CEP162: variants seen among roughly 807,000 people sequenced by gnomAD.
The protein encoded by CEP162 is centrosomal protein of 162 kDa.
CEP162 carries 141 observed loss-of-function variants against 169.2 expected under a neutral mutation model. The ratio of observed to expected loss-of-function variants is 0.83; its 90% CI spans 0.73 to 0.96. The LOEUF is 0.96. CEP162 is among the 40% of genes least tolerant of loss of function. The pLI, the probability that CEP162 is intolerant of heterozygous loss-of-function variation, is 0.00. For missense variants in CEP162, 1,600 were observed against 1,587.2 expected, an observed-to-expected ratio of 1.01 and a Z score of -0.14; for synonymous variants, 540 against 526.4, an observed-to-expected ratio of 1.03 and a Z score of -0.35.
chr6:84,189,574 C>T (rs922443233), intron 11 of CEP162, among the ~76,000 whole-genome samples: 2 of 152,216 alleles, frequency 1.3e-5, no homozygotes, highest in Admixed American at 6.5e-5. Context: ...GCGCTGCGCT[C>T]GATTTCTCGC....
At chr6:84,136,573 T>C (rs1308409662) in intron 25 of CEP162, among the ~76,000 whole-genome samples, 1 of 152,188 alleles carries the variant, frequency 6.6e-6, no homozygotes, top group Non-Finnish European at 1.5e-5. Context: ...GGAGACATTA[T>C]AGGCTATATG....
chr6:84,140,973 C>CATTAG (rs2099516341), intron 25 of CEP162, among the ~76,000 whole-genome samples: 1 of 152,152 alleles, frequency 6.6e-6, no homozygotes, highest in Admixed American at 6.5e-5. Context: ...TCACATTTAT[C>CATTAG]ATTAGATTCT....
At chr6:84,133,812 C>T (rs945851477) in intron 25 of CEP162, among the ~76,000 whole-genome samples, 5 of 152,156 alleles carry the variant, frequency 3.3e-5, no homozygotes. Context: ...CTTGCGCTTC[C>T]TGGGTGAGGT....
At chr6:84,146,128 C>T (rs1308379382) in intron 25 of CEP162, among the ~76,000 whole-genome samples, 1 of 152,090 alleles carries the variant, frequency 6.6e-6, no homozygotes, top group Non-Finnish European at 1.5e-5. Context: ...TTTTCCTCTT[C>T]CTTTGCCAAT....
chr6:84,173,858 T>A (rs562499056), intron 16 of CEP162, among the ~76,000 whole-genome samples, 190 bp downstream of exon 16: 8 of 152,082 alleles, frequency 5.3e-5, no homozygotes, highest in African/African-American at 1.9e-4. Flanking sequence ...CAATTTTTTT[T>A]ATTTTTAGTA....
At chr6:84,199,849 A>G (rs536528234) in intron 9 of CEP162, among the ~76,000 whole-genome samples, 6 of 152,368 alleles carry the variant, frequency 3.9e-5, no homozygotes, top group African/African-American at 1.4e-4. Flanking sequence ...CAAAAATTCC[A>G]AAAGACCATT....
chr6:84,200,947 C>T (rs1471218154), intron 8 of CEP162, 42 bp from the exon 9 acceptor site: 2 of 1,187,766 alleles, frequency 1.7e-6, no homozygotes, highest in African/African-American at 3.0e-5. Flanking sequence ...TGTAGATAAA[C>T]TCAGTGGTTC....
chr6:84,224,693 A>G (rs2099555020), intron 2 of CEP162, among the ~76,000 whole-genome samples: 1 of 152,206 alleles, frequency 6.6e-6, no homozygotes, highest in Non-Finnish European at 1.5e-5. Context: ...TCACAGTAAA[A>G]AAAAAATGAC....
intron 1 of CEP162, among the ~76,000 whole-genome samples, chr6:84,227,033 A>G (rs1384495077): frequency 3.3e-5 from 5 of 152,254 alleles, no homozygotes; most frequent in African/African-American, 1.2e-4. Flanking sequence ...AAGTTAATGG[A>G]GTACACAAAT....
Position 84,124,288 on chromosome 6 carries a change from T to C in CEP162, c.*782A>G, listed in dbSNP as rs1408742940. On this transcript the variant is annotated 3_prime_UTR_variant, in exon 27 of 27. Transcript: ENST00000403245. ...ATGTTTATTGCAGCAATATTTACAA[T>C]AGCAAATTCATGGAACCAACCTAAG... 1 of 152,074 alleles carries C rather than the reference T, an allele frequency of 6.6e-6. No homozygotes were observed. The highest frequency in any genetic ancestry group is 1.5e-5 in the Non-Finnish European group (1 of 68,026). 9.4% of individuals were successfully genotyped at this position (152,074 alleles called of 1,614,324 possible). A position where few individuals can be genotyped will look rare whatever the true frequency, so the allele number is the denominator to read the frequency against.
intron 18 of CEP162, among the ~76,000 whole-genome samples, chr6:84,164,319 T>C (rs968005832): frequency 1.8e-4 from 27 of 152,278 alleles, no homozygotes; most frequent in African/African-American, 6.3e-4. Flanking sequence ...GAACTAGAAA[T>C]ACCATTTGAC....
chr6:84,136,038 A>C (rs916445237), intron 25 of CEP162, among the ~76,000 whole-genome samples: 2 of 152,218 alleles, frequency 1.3e-5, no homozygotes, highest in Non-Finnish European at 2.9e-5. Context: ...GCACTGAAGG[A>C]GATCCTGGGC....
intron 18 of CEP162, among the ~76,000 whole-genome samples, chr6:84,165,864 A>T (rs2099527611): frequency 6.6e-6 from 1 of 152,228 alleles, no homozygotes; most frequent in South Asian, 2.1e-4. Flanking sequence ...GCATCATTTC[A>T]TTGTTTAATC....
intron 23 of CEP162, among the ~76,000 whole-genome samples, chr6:84,151,268 G>C (rs546243408): frequency 6.6e-6 from 1 of 152,120 alleles, no homozygotes; most frequent in African/African-American, 2.4e-5. Flanking sequence ...TAAGCAAGAT[G>C]ACTGGGGAAG....
At position 84,221,146 on chromosome 6, in the gene CEP162, GA is replaced by G; in HGVS notation, c.82del (p.Ser28GlnfsTer12). 6.3e-7 allele frequency: 1 copy of G among 1,583,088 alleles called. No homozygotes were observed. The highest frequency in any genetic ancestry group is 1.3e-5 in the African/African-American group (1 of 74,386). On this transcript the variant is annotated frameshift_variant, in exon 3 of 27. Coordinates refer to ENST00000403245, the MANE Select transcript of CEP162 (RefSeq NM_014895.4). LOFTEE classifies it high-confidence loss of function. The stretch of plus-strand genomic sequence containing the variant: ...TTTAGATTGTCTAGCTGTTTTGTCT[GA>G]ATTTTCAAAAGAATCATCTGAAAGC... ...KELSDDSFEN[S>X]DKTARQSKKE...
chr6:84,131,260 G>A (rs1366779698), intron 25 of CEP162, among the ~76,000 whole-genome samples: 1 of 152,134 alleles, frequency 6.6e-6, no homozygotes, highest in Non-Finnish European at 1.5e-5. Context: ...TTGCTGAGGA[G>A]TGTTTTACTT....
At chr6:84,191,249 C>A (rs2099539759) in intron 11 of CEP162, among the ~76,000 whole-genome samples, 1 of 152,156 alleles carries the variant, frequency 6.6e-6, no homozygotes, top group Non-Finnish European at 1.5e-5. Context: ...AGTGTATCCC[C>A]CAAGATGGGC....
intron 13 of CEP162, among the ~76,000 whole-genome samples, chr6:84,175,811 T>C (rs1221927119): frequency 1.3e-5 from 2 of 152,134 alleles, no homozygotes; most frequent in African/African-American, 2.4e-5. Flanking sequence ...TATCATGATA[T>C]TATAGTATCA....
Position 84,126,252 on chromosome 6 carries a change from A to G in CEP162, c.4005+126T>C. The G allele has an allele frequency of 3.5e-6, 2 of 570,510 alleles. 1 individual carries two copies. Among genetic ancestry groups the G allele is most frequent in the Non-Finnish European group, 5.3e-6 (2 of 375,334 alleles). 35.3% of individuals were successfully genotyped at this position (570,510 alleles called of 1,614,324 possible). On this transcript the variant is annotated intron_variant, in intron 26 of 26. Coordinates refer to ENST00000403245, the MANE Select transcript of CEP162 (RefSeq NM_014895.4). ...AAAGTTATAAATTTATTAAATTTTT[A>G]ACAAGATCAAAATACACTGGAAACA...
Sources: gnomAD v4.1 joint callset for allele counts (sites outside exome capture counted in the v4.1 genomes callset) on GRCh38, gnomAD v4.1.1 for gene constraint, MANE v1.5 for transcripts, NCBI Gene and HGNC (gene_info 2026-07-23, HGNC 2026-07-21) for gene names.